STK10: variants seen among roughly 807,000 people sequenced by gnomAD.
STK10 encodes the protein serine/threonine kinase 10.
A neutral mutation model predicts 113.8 loss-of-function variants in STK10; 78 were observed. The ratio of observed to expected loss-of-function variants is 0.69; its 90% CI spans 0.57 to 0.83. STK10 has a LOEUF of 0.83. STK10 is among the 40% of genes least tolerant of loss of function. STK10 has a pLI of 0.00. For synonymous variants in STK10, 465 were observed against 494.7 expected (o/e 0.94, Z 0.80); for missense variants, 1,109 against 1,280.1 (o/e 0.87, Z 2.04).
chr5:172,075,617 T>C (rs572729468), intron 12 of STK10, among the ~76,000 whole-genome samples: 3 of 152,074 alleles, frequency 2.0e-5, no homozygotes, highest in South Asian at 4.2e-4. Context: ...GTGGTGGAGG[T>C]TGCAGTGAGC....
At chr5:172,101,734 G>A (rs1231865576) in intron 7 of STK10, among the ~76,000 whole-genome samples, 1 of 152,186 alleles carries the variant, frequency 6.6e-6, no homozygotes, top group African/African-American at 2.4e-5. Flanking sequence ...GCAATTTCAT[G>A]TGGGTGGTTG....
chr5:172,061,433 C>A (rs1767934993), intron 13 of STK10, 165 bp from the exon 14 acceptor site: 6 of 878,186 alleles, frequency 6.8e-6, no homozygotes, highest in Non-Finnish European at 9.9e-6. Context: ...ACGCATCAAC[C>A]AATTTCAACA....
At chr5:172,155,934 G>A (rs932236633) in intron 2 of STK10, among the ~76,000 whole-genome samples, 4 of 152,020 alleles carry the variant, frequency 2.6e-5, no homozygotes, top group African/African-American at 7.2e-5. Flanking sequence ...GGCGGAGGGT[G>A]TAGTGAGCCA....
rs891247014 is a variant in STK10 at position 172,126,622 on chromosome 5, G to A, written c.370+751C>T. Among the ~76,000 whole-genome samples, 6 of 152,124 alleles carry A rather than the reference G, an allele frequency of 3.9e-5. No homozygotes were observed. The East Asian group carries it at 1.2e-3, about 29-fold the overall frequency. ...TATACCTGAGGATTAGAGGAGGACC[G>A]CATATGGGAACGTGGTTACCACACT... On this transcript the variant is annotated intron_variant, in intron 3 of 18. Coordinates refer to ENST00000176763, the MANE Select transcript of STK10 (RefSeq NM_005990.4).
At chr5:172,176,310 C>T (rs1354359248) in intron 1 of STK10, among the ~76,000 whole-genome samples, 16 of 152,192 alleles carry the variant, frequency 1.1e-4, no homozygotes, top group Non-Finnish European at 2.2e-4. Flanking sequence ...CCTGTCTCAT[C>T]CTCTCTGCTC....
chr5:172,169,605 A>G (rs1770629839), intron 1 of STK10, among the ~76,000 whole-genome samples: 1 of 152,058 alleles, frequency 6.6e-6, no homozygotes, highest in Non-Finnish European at 1.5e-5. Flanking sequence ...CTAGGTGGGT[A>G]TGAGAGGGAT....
chr5:172,145,445 G>A (rs946495538), intron 2 of STK10, among the ~76,000 whole-genome samples: 5 of 152,228 alleles, frequency 3.3e-5, no homozygotes, highest in East Asian at 1.9e-4. Flanking sequence ...CCAAGGCGGC[G>A]GGGGTGGGGC....
chr5:172,095,278 T>G (rs1174654276), intron 8 of STK10, among the ~76,000 whole-genome samples: 2 of 152,224 alleles, frequency 1.3e-5, no homozygotes, highest in Non-Finnish European at 2.9e-5. Flanking sequence ...AACGCAGATC[T>G]GATTCTGTCA....
intron 10 of STK10, among the ~76,000 whole-genome samples, chr5:172,088,555 AT>A (rs1768621435): frequency 6.6e-6 from 1 of 152,224 alleles, no homozygotes; most frequent in African/African-American, 2.4e-5. Context: ...AATTAAAAAA[AT>A]TTTAATTCAC....
intron 2 of STK10, among the ~76,000 whole-genome samples, chr5:172,152,431 G>A (rs1048387916): frequency 6.6e-6 from 1 of 152,196 alleles, no homozygotes; most frequent in African/African-American, 2.4e-5. Flanking sequence ...AGGGCTGGGG[G>A]TGGAGGATGG....
At chr5:172,182,308 GAAAAAAAA>G (rs567194724) in intron 1 of STK10, among the ~76,000 whole-genome samples, 1 of 92,134 alleles carries the variant, frequency 1.1e-5, no homozygotes, top group Non-Finnish European at 2.2e-5. Flanking sequence ...GTCTCAGAGG[GAAAAAAAA>G]AAAAAAAAAA....
intron 18 of STK10, among the ~76,000 whole-genome samples, chr5:172,049,895 C>T (rs904793911): frequency 4.5e-4 from 69 of 152,152 alleles, no homozygotes; most frequent in African/African-American, 1.4e-3. Context: ...CTCTGCCCGC[C>T]GGGTTCAAGT....
At chr5:172,085,365 C>A (rs1168383674) in intron 10 of STK10, among the ~76,000 whole-genome samples, 1 of 152,008 alleles carries the variant, frequency 6.6e-6, no homozygotes, top group Non-Finnish European at 1.5e-5. Flanking sequence ...CAAGTGTTAA[C>A]CACGTTTCTT....
chr5:172,073,793 CAAAAAAAAAA>C (rs60492751), intron 12 of STK10, among the ~76,000 whole-genome samples: 2 of 58,446 alleles, frequency 3.4e-5, no homozygotes, highest in Non-Finnish European at 7.3e-5. Flanking sequence ...CTAAAAATAG[CAAAAAAAAAA>C]AAAAAAAAAA....
Position 172,169,094 on chromosome 5 carries a change from G to A in STK10, c.157-12306C>T, listed in dbSNP as rs145543511. Among the ~76,000 whole-genome samples, 452 of 151,942 alleles carry A rather than the reference G, an allele frequency of 3.0e-3. 4 individuals are homozygous for A. Among genetic ancestry groups the A allele is most frequent in the Non-Finnish European group, 4.8e-3 (325 of 67,974 alleles). ...CAGAGAACACCTCCTCCCTACCTGC[G>A]TTTAATCAGCCAGCAAAATCGAACT... On this transcript the variant is annotated intron_variant, in intron 1 of 18. Coordinates refer to ENST00000176763, the MANE Select transcript of STK10 (RefSeq NM_005990.4).
chr5:172,134,125 G>C (rs1231593228), intron 2 of STK10, among the ~76,000 whole-genome samples: 1 of 152,190 alleles, frequency 6.6e-6, no homozygotes, highest in Non-Finnish European at 1.5e-5. Flanking sequence ...CCTGGACCCT[G>C]GGACCACATC....
intron 4 of STK10, among the ~76,000 whole-genome samples, chr5:172,116,343 A>C (rs1769383307): frequency 6.6e-6 from 1 of 151,858 alleles, no homozygotes; most frequent in Non-Finnish European, 1.5e-5. Context: ...CGGCCTCCCA[A>C]AGTGCTGGGA....
chr5:172,185,343 A>G (rs1770936183), intron 1 of STK10, among the ~76,000 whole-genome samples: 1 of 151,908 alleles, frequency 6.6e-6, no homozygotes, highest in Admixed American at 6.6e-5. Flanking sequence ...ATCTCAGCTC[A>G]CTGCACCCTC....
At chr5:172,165,862 T>C (rs2087615) in intron 1 of STK10, among the ~76,000 whole-genome samples, 97,164 of 151,664 alleles carry the variant, frequency 0.64, 31,913 homozygotes, top group African/African-American at 0.8. Flanking sequence ...GGTGCGATCT[T>C]GGCTCACTGC....
Sources: gnomAD v4.1 joint callset for allele counts (sites outside exome capture counted in the v4.1 genomes callset) on GRCh38, gnomAD v4.1.1 for gene constraint, MANE v1.5 for transcripts, NCBI Gene and HGNC (gene_info 2026-07-23, HGNC 2026-07-21) for gene names.